Variants in TEAD4 observed in about 807,000 individuals in gnomAD.
TEAD4 encodes the protein TEA domain transcription factor 4, also known as transcriptional enhancer factor TEF-3.
In TEAD4, 36 loss-of-function variants were observed where a neutral mutation model predicts 52.4. That is an observed-to-expected ratio of 0.69 (90% confidence interval 0.53 to 0.91). The LOEUF (loss-of-function observed/expected upper bound fraction) is 0.91. TEAD4 is among the 40% of genes least tolerant of loss of function. The pLI, the probability that TEAD4 is intolerant of heterozygous loss-of-function variation, is 0.00. For synonymous variants in TEAD4, 220 were observed against 231.0 expected (o/e 0.95, Z 0.43); for missense variants, 508 against 583.9 (o/e 0.87, Z 1.34).
chr12:3,007,178 G>C (rs2098256641), intron 3 of TEAD4, among the ~76,000 whole-genome samples: 1 of 152,216 alleles, frequency 6.6e-6, no homozygotes, highest in Non-Finnish European at 1.5e-5. Context: ...GGTAGTTGTG[G>C]GGTGGTGGGC....
chr12:3,034,658 C>A (rs766374553), intron 10 of TEAD4, among the ~76,000 whole-genome samples: 2 of 152,348 alleles, frequency 1.3e-5, no homozygotes, highest in South Asian at 2.1e-4. Context: ...GTTGCCCAGG[C>A]TCAGTGGCTC....
At chr12:3,019,249 A>T in intron 8 of TEAD4, 79 bp downstream of exon 8, 1 of 1,521,700 alleles carries the variant, frequency 6.6e-7, no homozygotes, top group Non-Finnish European at 9.1e-7. Flanking sequence ...CGGCAGCCGA[A>T]CGCCTGCGTG....
intron 10 of TEAD4, 64 bp from the exon 11 acceptor site, chr12:3,037,904 T>A: frequency 6.4e-7 from 1 of 1,566,458 alleles, no homozygotes; most frequent in South Asian, 1.2e-5. Flanking sequence ...TGAGGTCTCC[T>A]TGATGCTCCC....
chr12:3,004,308 C>G (rs1030589189), intron 3 of TEAD4, among the ~76,000 whole-genome samples: 1 of 152,216 alleles, frequency 6.6e-6, no homozygotes, highest in Non-Finnish European at 1.5e-5. Flanking sequence ...TCTCGAAGCA[C>G]TGGGGCAGCC....
At chr12:2,986,010 C>T (rs377578902) in intron 2 of TEAD4, among the ~76,000 whole-genome samples, 12 of 151,714 alleles carry the variant, frequency 7.9e-5, no homozygotes, top group Non-Finnish European at 1.6e-4. Context: ...TGCTTGAACC[C>T]GGGAGGCAGA....
chr12:3,001,833 G>A (rs1025862147), intron 3 of TEAD4, among the ~76,000 whole-genome samples: 4 of 151,076 alleles, frequency 2.6e-5, no homozygotes, highest in African/African-American at 7.3e-5. Flanking sequence ...GCTTATGCCT[G>A]TAATCCTAGC....
intron 3 of TEAD4, among the ~76,000 whole-genome samples, chr12:2,995,295 AC>A (rs1212777099): frequency 2.6e-5 from 4 of 152,116 alleles, no homozygotes; most frequent in Non-Finnish European, 5.9e-5. Flanking sequence ...CACAAGCTGT[AC>A]CCCAGCAGGT....
In TEAD4 at chr12:2,999,850, G is replaced by A. The variant is rs141327341; in HGVS notation, c.226+4858G>A. On this transcript the variant is annotated intron_variant, in intron 3 of 12. Transcript: ENST00000359864. ...TGCTGGCCGGGTGGGCTCGTGTCCC[G>A]CCTCCTGCTCTCTGGAGGGCTGTGG... is the stretch of plus-strand genomic sequence containing the variant. 2.8e-4 allele frequency among the ~76,000 whole-genome samples: 42 copies of A among 152,254 alleles called. No individual in the cohort carries two copies. In the East Asian group the frequency reaches 6.2e-3, roughly 22 times the overall value.
chr12:2,977,222 G>T (rs897827552), intron 2 of TEAD4, among the ~76,000 whole-genome samples: 2 of 152,150 alleles, frequency 1.3e-5, no homozygotes, highest in African/African-American at 4.8e-5. Flanking sequence ...CTGTGAGGCT[G>T]GGCCAGGATC....
At chr12:3,028,122 A>G (rs774927653) in intron 10 of TEAD4, among the ~76,000 whole-genome samples, 100 of 152,278 alleles carry the variant, frequency 6.6e-4, no homozygotes, top group Admixed American at 1.3e-3. Context: ...TGAACTTGGC[A>G]TAGTGTTTTC....
chr12:2,960,438 A>G, intron 2 of TEAD4: 1 of 881,420 alleles, frequency 1.1e-6, no homozygotes, highest in Non-Finnish European at 1.4e-6. Context: ...AGGGCTTGGG[A>G]AGCTGCTGTG....
rs113319820 is a variant in TEAD4 at position 2,966,417 on chromosome 12, C to CTT, written c.-30+6389_-30+6390dup. ...TTCTGTTTCTCATTTCTTTTTCTTT[C>CTT]TTTTTTTTTTTTTGAGATGGGTCTT... On this transcript the variant is annotated intron_variant, in intron 2 of 12. Coordinates refer to ENST00000359864, the MANE Select transcript of TEAD4 (RefSeq NM_003213.4). Among the ~76,000 whole-genome samples, 913 of 143,236 alleles carry CTT rather than the reference C, an allele frequency of 6.4e-3. 11 individuals carry two copies. Among genetic ancestry groups the CTT allele is most frequent in the African/African-American group, 0.022 (866 of 38,770 alleles). The allele number at this position is 143,236 out of a possible 152,430, so 94.0% of individuals were successfully genotyped here.
Position 3,040,289 on chromosome 12 carries a change from G to A in TEAD4, c.1191+30G>A, listed in dbSNP as rs111521358. On this transcript the variant is annotated intron_variant, in intron 12 of 12. Coordinates refer to ENST00000359864, the MANE Select transcript of TEAD4 (RefSeq NM_003213.4). ...GCGGCGGGTGCTGCGGGTGTGGCTG[G>A]AGTCTGTGTGTGGGTAGCAGCCATG... 35 of 1,613,944 alleles carry A rather than the reference G, an allele frequency of 2.2e-5. No homozygotes were observed. In the Middle Eastern group the frequency reaches 4.9e-4, roughly 23 times the overall value.
chr12:3,023,526 G>C (rs2153957633), intron 10 of TEAD4, among the ~76,000 whole-genome samples: 2 of 152,100 alleles, frequency 1.3e-5, no homozygotes, highest in South Asian at 4.2e-4. Flanking sequence ...GGTGGCTCAT[G>C]CCTGTAATCC....
chr12:2,994,868 C>A lies in TEAD4; in HGVS notation c.102C>A (p.Pro34=), dbSNP rs201944293. ...GGGGCAGTCAGGCACTGGACAAGCCCATCGACAATGACGCAGAGGGCGTGT... is the reference window on the plus strand; with the variant it reads ...GGGGCAGTCAGGCACTGGACAAGCCAATCGACAATGACGCAGAGGGCGTGT... Residue 34 remains proline, a synonymous_variant, in exon 3 of 13, where the codon CCC becomes CCA. Coordinates refer to ENST00000359864, the MANE Select transcript of TEAD4 (RefSeq NM_003213.4). This position sits in a 1 kb window ranked among gnomAD's most constrained non-coding sequence, Gnocchi z 4.7. The A allele has an allele frequency of 8.1e-6, 13 of 1,614,138 alleles. No individual in the cohort carries two copies. The highest frequency in any genetic ancestry group is 1.1e-5 in the Non-Finnish European group (13 of 1,180,028).
intron 3 of TEAD4, among the ~76,000 whole-genome samples, chr12:2,996,762 C>T (rs1265145290): frequency 6.6e-6 from 1 of 152,100 alleles, no homozygotes; most frequent in Non-Finnish European, 1.5e-5. Flanking sequence ...GTCGCCCAGG[C>T]TGGAGTGCAG....
At chr12:3,020,553 G>A in intron 8 of TEAD4, 81 bp from the exon 9 acceptor site, 1 of 1,421,656 alleles carries the variant, frequency 7.0e-7, no homozygotes, top group Admixed American at 2.7e-5. Context: ...TCTGTCCGAG[G>A]AGGCCTGGGG....
At chr12:3,006,142 C>T (rs1021892946) in intron 3 of TEAD4, among the ~76,000 whole-genome samples, 2 of 152,130 alleles carry the variant, frequency 1.3e-5, no homozygotes, top group Non-Finnish European at 2.9e-5. Flanking sequence ...CTTTGTACCC[C>T]ATAAATACAG....
Position 2,994,988 on chromosome 12 carries a change from G to A in TEAD4, c.222G>A (p.Met74Ile), listed in dbSNP as rs763455765. The change falls in exon 3 of 13, where the codon ATG becomes ATA. Residue 74 changes from methionine to isoleucine, a missense_variant. Met to Ile is a conservative substitution (Grantham distance 10). Transcript: ENST00000359864. This position sits in a 1 kb window ranked among gnomAD's most constrained non-coding sequence, Gnocchi z 4.7. ...TCATCCTGTCGGACGAGGGCAAGAT[G>A]TATGGTAAGGAGCCCGTCGGGTTCA... 6.2e-7 allele frequency: 1 copy of A among 1,613,768 alleles called. No homozygotes were observed. Among genetic ancestry groups the A allele is most frequent in the South Asian group, 1.1e-5 (1 of 91,052 alleles).
Sources: allele counts gnomAD v4.1 joint callset (sites outside exome capture counted in the v4.1 genomes callset), GRCh38; gene constraint gnomAD v4.1.1; non-coding constraint Gnocchi (gnomAD v3.1); transcripts MANE v1.5; gene names NCBI Gene and HGNC (gene_info 2026-07-23, HGNC 2026-07-21).